Variants in TTC27 observed in about 807,000 individuals in gnomAD.
The protein encoded by TTC27 is tetratricopeptide repeat domain 27.
TTC27 carries 79 observed loss-of-function variants against 115.9 expected under a neutral mutation model. That is an observed-to-expected ratio of 0.68 (90% CI 0.57 to 0.82). The LOEUF is 0.82. Ranked by LOEUF, TTC27 falls within the 40% of genes least tolerant of loss-of-function variation. The pLI is 0.00. For synonymous variants in TTC27, 401 were observed against 356.0 expected, an observed-to-expected ratio of 1.13 and a Z score of -1.42; for missense variants, 1,054 against 993.1, an observed-to-expected ratio of 1.06 and a Z score of -0.82.
At chr2:32,702,978 G>A in intron 10 of TTC27, 58 bp downstream of exon 10, 3 of 1,180,304 alleles carry the variant, frequency 2.5e-6, no homozygotes, top group Non-Finnish European at 3.8e-6. Flanking sequence ...CTATCAGTAA[G>A]CATACATGTT....
chr2:32,808,368 C>G lies in TTC27; in HGVS notation c.1999-2656C>G, dbSNP rs547944250. Among the ~76,000 whole-genome samples the G allele has an allele frequency of 3.9e-5, 6 of 152,326 alleles. 1 individual carries two copies. The highest frequency in any genetic ancestry group is 3.9e-4 in the Admixed American group (6 of 15,298). ...CGTTATCTATTCCTCCAATGTGGAA[C>G]TCTTTTCTAAGCTCCAGGCCCAGCT... is the stretch of plus-strand genomic sequence containing the variant. On this transcript the variant is annotated intron_variant, in intron 16 of 19. Transcript: ENST00000317907.
chr2:32,669,371 G>A (rs142852338), intron 7 of TTC27, among the ~76,000 whole-genome samples: 1 of 152,322 alleles, frequency 6.6e-6, no homozygotes, highest in Non-Finnish European at 1.5e-5. Flanking sequence ...TGAAGATGGA[G>A]AGTACAAGTT....
chr2:32,660,129 C>T lies in TTC27; in HGVS notation c.641-4174C>T, dbSNP rs951378046. Among the ~76,000 whole-genome samples, 3 of 152,330 alleles carry T rather than the reference C, an allele frequency of 2.0e-5. No individual in the cohort carries two copies. In the East Asian group the frequency reaches 5.8e-4, roughly 29 times the overall value. On this transcript the variant is annotated intron_variant, in intron 5 of 19. Coordinates refer to ENST00000317907, the MANE Select transcript of TTC27 (RefSeq NM_017735.5). ...ATGGTTGAACTAATTTACATTCCCACCGACAGAGTAAAAGTGTTCCTACTT... is the reference window on the plus strand; with the variant it reads ...ATGGTTGAACTAATTTACATTCCCATCGACAGAGTAAAAGTGTTCCTACTT...
chr2:32,730,007 G>A (rs1005953454), intron 10 of TTC27, among the ~76,000 whole-genome samples: 4 of 152,126 alleles, frequency 2.6e-5, no homozygotes, highest in African/African-American at 4.8e-5. Context: ...GAAAGCTTGC[G>A]AGGTACTTCT....
At chr2:32,784,227 C>G (rs1670275513) in intron 15 of TTC27, among the ~76,000 whole-genome samples, 1 of 152,190 alleles carries the variant, frequency 6.6e-6, no homozygotes, top group African/African-American at 2.4e-5. Flanking sequence ...TCTGCTTTCT[C>G]TCTTAGGGGT....
intron 4 of TTC27, among the ~76,000 whole-genome samples, chr2:32,647,885 G>T (rs957698580): frequency 2.0e-5 from 3 of 151,836 alleles, no homozygotes; most frequent in African/African-American, 7.2e-5. Flanking sequence ...TCTCATATTT[G>T]CAGGTAACTA....
intron 18 of TTC27, among the ~76,000 whole-genome samples, chr2:32,815,588 G>A (rs1215072470): frequency 1.3e-5 from 2 of 151,992 alleles, no homozygotes; most frequent in Non-Finnish European, 2.9e-5. Context: ...AATGCCTTTT[G>A]GAAATGGGAT....
chr2:32,632,641 T>C (rs562211921), intron 2 of TTC27, among the ~76,000 whole-genome samples: 2 of 152,258 alleles, frequency 1.3e-5, no homozygotes, highest in Admixed American at 1.3e-4. Context: ...CAGAGTTTTA[T>C]ATTTTTGCTA....
At chr2:32,787,240 A>G in intron 16 of TTC27, 91 bp downstream of exon 16, 2 of 1,423,394 alleles carry the variant, frequency 1.4e-6, no homozygotes, top group Non-Finnish European at 1.9e-6. Context: ...ATGCACAGGA[A>G]AATTTTGTTA....
intron 1 of TTC27, among the ~76,000 whole-genome samples, chr2:32,629,014 C>T (rs985484532): frequency 1.5e-4 from 23 of 152,172 alleles, no homozygotes; most frequent in African/African-American, 5.5e-4. Flanking sequence ...CCTGCCTCAG[C>T]CTCCCAAAGT....
intron 16 of TTC27, among the ~76,000 whole-genome samples, chr2:32,790,417 T>C (rs1670496258): frequency 6.6e-6 from 1 of 152,108 alleles, no homozygotes; most frequent in Non-Finnish European, 1.5e-5. Flanking sequence ...TTCTTGTTTA[T>C]CCATTTTATA....
chr2:32,758,526 C>G lies in TTC27; in HGVS notation c.1680+7C>G. On this transcript the variant is annotated splice_region_variant and intron_variant, in intron 13 of 19. Coordinates refer to ENST00000317907, the MANE Select transcript of TTC27 (RefSeq NM_017735.5). ...TAAGATTAATCCCATGCAGGTTAGA[C>G]AACTCATAACCCCCTGCTGCTCTCA... 2 of 1,611,972 alleles carry G rather than the reference C, an allele frequency of 1.2e-6. No individual in the cohort carries two copies. Among genetic ancestry groups the G allele is most frequent in the Non-Finnish European group, 1.7e-6 (2 of 1,178,046 alleles).
At chr2:32,816,021 A>G (rs1320364281) in intron 18 of TTC27, among the ~76,000 whole-genome samples, 1 of 152,172 alleles carries the variant, frequency 6.6e-6, no homozygotes, top group Admixed American at 6.5e-5. Flanking sequence ...TTTGCGTGCA[A>G]AAAGAAATCT....
At chr2:32,731,150 A>G (rs891059489) in intron 10 of TTC27, among the ~76,000 whole-genome samples, 3 of 151,690 alleles carry the variant, frequency 2.0e-5, no homozygotes, top group African/African-American at 4.8e-5. Context: ...GTTGCAGTGC[A>G]TTGGTGCAAT....
intron 16 of TTC27, among the ~76,000 whole-genome samples, chr2:32,793,814 T>C (rs1336463648): frequency 2.0e-5 from 3 of 152,154 alleles, no homozygotes; most frequent in African/African-American, 4.8e-5. Flanking sequence ...TGAGCCACCA[T>C]ACCCGGCCTG....
intron 10 of TTC27, among the ~76,000 whole-genome samples, chr2:32,709,693 G>A (rs1415511543): frequency 6.6e-6 from 1 of 152,132 alleles, no homozygotes; most frequent in African/African-American, 2.4e-5. Flanking sequence ...GGCCTCAGGG[G>A]CATGACCTCA....
intron 9 of TTC27, among the ~76,000 whole-genome samples, chr2:32,690,430 C>G (rs542225049): frequency 2.0e-5 from 3 of 152,178 alleles, no homozygotes; most frequent in African/African-American, 4.8e-5. Context: ...TGAAACTGTA[C>G]TTAGCAATAC....
chr2:32,635,663 G>A (rs1016938727), intron 3 of TTC27, among the ~76,000 whole-genome samples: 4 of 152,064 alleles, frequency 2.6e-5, no homozygotes, highest in Admixed American at 6.6e-5. Context: ...CAGCCTGGGT[G>A]ACAGAGTGAG....
intron 16 of TTC27, among the ~76,000 whole-genome samples, chr2:32,790,418 C>T (rs1232077115): frequency 6.6e-6 from 1 of 151,710 alleles, no homozygotes; most frequent in Non-Finnish European, 1.5e-5. Context: ...TCTTGTTTAT[C>T]CATTTTATAA....
Sources: gnomAD v4.1 joint callset for allele counts (sites outside exome capture counted in the v4.1 genomes callset) on GRCh38, gnomAD v4.1.1 for gene constraint, MANE v1.5 for transcripts, NCBI Gene and HGNC (gene_info 2026-07-23, HGNC 2026-07-21) for gene names.